The following AKAP13 variants were observed in gnomAD, a reference collection of about 807,000 sequenced individuals.
AKAP13 encodes the protein A-kinase anchoring protein 13.
AKAP13 carries 80 observed loss-of-function variants against 264.5 expected under a neutral mutation model. The ratio of observed to expected loss-of-function variants is 0.30; its 90% CI spans 0.25 to 0.36. The LOEUF (loss-of-function observed/expected upper bound fraction) is 0.36. AKAP13 is among the 10% of genes least tolerant of loss of function. The probability of loss-of-function intolerance (pLI) is 1.00; values close to 1 mark genes in which losing one functional copy is unlikely to be tolerated. For missense variants in AKAP13, 3,712 were observed against 3,435.2 expected, an observed-to-expected ratio of 1.08 and a Z score of -2.01; for synonymous variants, 1,380 against 1,250.2, an observed-to-expected ratio of 1.10 and a Z score of -2.19.
intron 1 of AKAP13, among the ~76,000 whole-genome samples, chr15:85,434,751 GC>G (rs1293127483): frequency 2.0e-5 from 3 of 152,030 alleles, no homozygotes; most frequent in African/African-American, 7.2e-5. Context: ...CAGACCTGCA[GC>G]TGAGGGTCCT....
chr15:85,419,141 G>A (rs2072392669), intron 1 of AKAP13, among the ~76,000 whole-genome samples: 2 of 152,198 alleles, frequency 1.3e-5, no homozygotes, highest in African/African-American at 4.8e-5. Context: ...AGTGGACACT[G>A]TTTGCTTTAA....
intron 2 of AKAP13, among the ~76,000 whole-genome samples, chr15:85,500,431 C>T (rs1201228253): frequency 6.6e-6 from 1 of 152,164 alleles, no homozygotes; most frequent in Non-Finnish European, 1.5e-5. Context: ...GTAACATTTT[C>T]ATTGCTCTCT....
intron 2 of AKAP13, among the ~76,000 whole-genome samples, chr15:85,494,479 C>T (rs1567086591): frequency 6.6e-6 from 1 of 152,126 alleles, no homozygotes. Flanking sequence ...ACTTGATATG[C>T]CAGAGAAAGT....
intron 4 of AKAP13, among the ~76,000 whole-genome samples, chr15:85,537,466 T>C (rs578146426): frequency 6.6e-6 from 1 of 152,354 alleles, no homozygotes; most frequent in Non-Finnish European, 1.5e-5. Context: ...GTTTTAATTG[T>C]TTAGTTGCAG....
At chr15:85,452,793 G>A (rs2074138355) in intron 1 of AKAP13, among the ~76,000 whole-genome samples, 1 of 152,142 alleles carries the variant, frequency 6.6e-6, no homozygotes, top group Non-Finnish European at 1.5e-5. Context: ...TGAAAGTATG[G>A]GTTTCTCTGC....
At chr15:85,739,781 G>A (rs975746765) in intron 33 of AKAP13, among the ~76,000 whole-genome samples, 16 of 151,752 alleles carry the variant, frequency 1.1e-4, no homozygotes, top group Non-Finnish European at 4.4e-5. Context: ...CTTTTTTTGT[G>A]TGTGAGCTAA....
chr15:85,617,101 C>T (rs1337523720), intron 8 of AKAP13, among the ~76,000 whole-genome samples: 1 of 152,200 alleles, frequency 6.6e-6, no homozygotes, highest in Non-Finnish European at 1.5e-5. Flanking sequence ...CTAAAAACTT[C>T]CTGAAGACAG....
chr15:85,432,211 T>C (rs2073055455), intron 1 of AKAP13, among the ~76,000 whole-genome samples: 1 of 152,180 alleles, frequency 6.6e-6, no homozygotes, highest in Admixed American at 6.5e-5. Context: ...AACTCTATAG[T>C]TTATTTTGGC....
intron 9 of AKAP13, among the ~76,000 whole-genome samples, chr15:85,644,495 C>G (rs548074598): frequency 1.4e-3 from 208 of 151,142 alleles, no homozygotes; most frequent in Non-Finnish European, 2.6e-3. Flanking sequence ...CCTGCCTCAG[C>G]CTCCCAAAGT....
chr15:85,688,302 C>T (rs934768843), intron 16 of AKAP13, among the ~76,000 whole-genome samples: 1 of 152,064 alleles, frequency 6.6e-6, no homozygotes, highest in Non-Finnish European at 1.5e-5. Flanking sequence ...GATATTGACA[C>T]TGATTTTTCT....
Position 85,504,694 on chromosome 15 carries a change from C to CAA in AKAP13, c.34-16714_34-16713dup, listed in dbSNP as rs60149423. ...GTGACAGGGCCCAACACCCTGTCTC[C>CAA]AAAAAAAAAAAAAAAAAAAAATCCT... is the stretch of plus-strand genomic sequence containing the variant. On this transcript the variant is annotated intron_variant, in intron 2 of 36. Coordinates refer to ENST00000394518, the MANE Select transcript of AKAP13 (RefSeq NM_007200.5). 1.3e-3 allele frequency among the ~76,000 whole-genome samples: 133 copies of CAA among 105,646 alleles called. 1 individual carries two copies. The highest frequency in any genetic ancestry group is 1.8e-3 in the Non-Finnish European group (102 of 57,272). The allele number at this position is 105,646 out of a possible 152,430, so 69.3% of individuals were successfully genotyped here. A position where few individuals can be genotyped will look rare whatever the true frequency, so the allele number is the denominator to read the frequency against.
intron 8 of AKAP13, among the ~76,000 whole-genome samples, chr15:85,630,352 G>A (rs924331067): frequency 6.6e-5 from 10 of 151,686 alleles, no homozygotes; most frequent in South Asian, 2.1e-4. Flanking sequence ...AGAAATATAC[G>A]TAGCACGAAA....
chr15:85,454,291 A>C (rs1489532280), intron 1 of AKAP13, among the ~76,000 whole-genome samples: 1 of 152,154 alleles, frequency 6.6e-6, no homozygotes, highest in Non-Finnish European at 1.5e-5. Flanking sequence ...TGTTGGTCAG[A>C]CTGAAGACTG....
At chr15:85,385,786 T>G (rs920774670) in intron 1 of AKAP13, among the ~76,000 whole-genome samples, 5 of 152,202 alleles carry the variant, frequency 3.3e-5, no homozygotes, top group African/African-American at 1.2e-4. Flanking sequence ...TTTGCAGATA[T>G]TTTCTCCTAG....
intron 1 of AKAP13, among the ~76,000 whole-genome samples, chr15:85,408,626 T>C (rs766008591): frequency 1.3e-5 from 2 of 151,890 alleles, no homozygotes; most frequent in African/African-American, 2.4e-5. Flanking sequence ...GTCATTAGAA[T>C]TCATCCATGT....
intron 2 of AKAP13, among the ~76,000 whole-genome samples, chr15:85,503,865 C>A (rs1314236272): frequency 6.6e-6 from 1 of 152,146 alleles, no homozygotes; most frequent in African/African-American, 2.4e-5. Context: ...CATGAATTCT[C>A]AGGGGCTTGG....
chr15:85,672,937 C>A (rs934310709), intron 14 of AKAP13, among the ~76,000 whole-genome samples: 1 of 152,202 alleles, frequency 6.6e-6, no homozygotes, highest in Non-Finnish European at 1.5e-5. Flanking sequence ...TTGCACTTGG[C>A]TGTTTATTAT....
At chr15:85,606,724 T>C (rs113593708) in intron 8 of AKAP13, among the ~76,000 whole-genome samples, 1 of 152,206 alleles carries the variant, frequency 6.6e-6, no homozygotes, top group Non-Finnish European at 1.5e-5. Flanking sequence ...AAGAACATCA[T>C]GGCAGGGTCA....
chr15:85,537,084 G>A (rs1183817065), intron 4 of AKAP13: 1 of 152,208 alleles, frequency 6.6e-6, no homozygotes, highest in African/African-American at 2.4e-5. Flanking sequence ...ACTGGGATGA[G>A]GAATCTGATT....
Sources: gnomAD v4.1 joint callset for allele counts (sites outside exome capture counted in the v4.1 genomes callset) on GRCh38, gnomAD v4.1.1 for gene constraint, MANE v1.5 for transcripts, NCBI Gene and HGNC (gene_info 2026-07-23, HGNC 2026-07-21) for gene names.